ANGEL1: variants seen among roughly 807,000 people sequenced by gnomAD.
The protein encoded by ANGEL1 is angel homolog 1, also known as RNA 2',3'-cyclic phosphatase ANGEL1.
ANGEL1 carries 62 observed loss-of-function variants against 76.4 expected under a neutral mutation model. That is an observed-to-expected ratio of 0.81 (90% CI 0.66 to 1.00). ANGEL1 has a LOEUF of 1.00. Ranked by LOEUF, ANGEL1 falls within the 50% of genes least tolerant of loss-of-function variation. The pLI is 0.00. For synonymous variants in ANGEL1, 340 were observed against 331.7 expected, an observed-to-expected ratio of 1.03 and a Z score of -0.27; for missense variants, 737 against 836.7, an observed-to-expected ratio of 0.88 and a Z score of 1.47.
intron 1 of ANGEL1, 111 bp from the exon 2 acceptor site, chr14:76,809,754 C>T (rs1485014988): frequency 1.1e-6 from 1 of 872,016 alleles, no homozygotes; most frequent in African/African-American, 1.7e-5. Flanking sequence ...CCTTGCTCAT[C>T]ATTGTACCAT....
chr14:76,806,611 GTAAAGGATA>G lies in ANGEL1; in HGVS notation c.1176_1184del (p.Ile393_Tyr395del). ...GCTTGACATCGCCCCGGCGTGGGTTGTAAAGGATATGGGTATTTGCCACACACAGCGGGG... is the reference window on the plus strand; with the variant it reads ...GCTTGACATCGCCCCGGCGTGGGTTGTGGGTATTTGCCACACACAGCGGGG... On this transcript the variant is annotated inframe_deletion, in exon 5 of 10. Transcript: ENST00000251089. The G allele has an allele frequency of 1.2e-6, 2 of 1,614,202 alleles. No individual in the cohort carries two copies. Among genetic ancestry groups the G allele is most frequent in the Non-Finnish European group, 1.7e-6 (2 of 1,180,036 alleles).
rs1187825626 is a variant in ANGEL1 at position 76,812,770 on chromosome 14, G to A, written c.58C>T (p.Leu20Phe). The change falls in exon 1 of 10, where the codon CTC becomes TTC. Residue 20 changes from leucine (L) to phenylalanine (F), a missense_variant. Leu to Phe is a conservative substitution (Grantham distance 22). Coordinates refer to ENST00000251089, the MANE Select transcript of ANGEL1 (RefSeq NM_015305.4). ...LLPATRLFRALSDAFFTCRKN... is the reference protein window; with the variant it reads ...LLPATRLFRAFSDAFFTCRKN... ...CGGTACGCCTGGCCGGTACCTGAGAGGGCGCGGAAGAGGCGCGTGGCCGGC... is the reference window on the plus strand; with the variant it reads ...CGGTACGCCTGGCCGGTACCTGAGAAGGCGCGGAAGAGGCGCGTGGCCGGC... 6.6e-7 allele frequency: 1 copy of A among 1,522,286 alleles called. No individual in the cohort carries two copies. Among genetic ancestry groups the A allele is most frequent in the African/African-American group, 1.4e-5 (1 of 70,466 alleles). The allele number at this position is 1,522,286 out of a possible 1,614,324, so 94.3% of individuals were successfully genotyped here.
Position 76,809,280 on chromosome 14 carries a change from T to C in ANGEL1, c.428A>G (p.Glu143Gly). Residue 143 changes from glutamate to glycine, a missense_variant, in exon 2 of 10, where the codon GAG (glutamate) becomes GGG (glycine). Physicochemically the swap from Glu to Gly is moderately conservative, Grantham distance 98 (BLOSUM62 -2). Around this residue, in one of 2 missense-constraint regions of ANGEL1, gnomAD observed 441 missense variants for 449.5 expected, o/e 0.98. Coordinates refer to ENST00000251089, the MANE Select transcript of ANGEL1 (RefSeq NM_015305.4). ...EEPLLEVEGV[E>G]GSMWAAIPMQ... ...GGGGATAGCTGCCCACATGGAGCCC[T>C]CCACCCCCTCCACCTCCAGCAGTGG... is the stretch of plus-strand genomic sequence containing the variant. 2 of 1,613,690 alleles carry C rather than the reference T, an allele frequency of 1.2e-6. No individual in the cohort carries two copies. The highest frequency in any genetic ancestry group is 1.7e-6 in the Non-Finnish European group (2 of 1,179,744).
At chr14:76,812,383 C>G in intron 1 of ANGEL1, 2 of 1,058,382 alleles carry the variant, frequency 1.9e-6, no homozygotes, top group South Asian at 4.5e-5. Flanking sequence ...AGAATTTGGG[C>G]ACTCGCCTAG....
chr14:76,806,575 C>T lies in ANGEL1; in HGVS notation c.1221G>A (p.Met407Ile). 10 of 1,614,200 alleles carry T rather than the reference C, an allele frequency of 6.2e-6. No individual in the cohort carries two copies. Among genetic ancestry groups the T allele is most frequent in the Non-Finnish European group, 8.5e-6 (10 of 1,180,042 alleles). ...PRRGDVKLAQ[M>I]AILLAEVDKV... The stretch of plus-strand genomic sequence containing the variant: ...TGTCCACTTCCGCCAGGAGAATGGC[C>T]ATCTGGGCCAGCTTGACATCGCCCC... The change falls in exon 5 of 10, where the codon ATG becomes ATA. Residue 407 changes from methionine to isoleucine, a missense_variant. Around this residue, in one of 2 missense-constraint regions of ANGEL1, gnomAD observed 296 missense variants for 387.2 expected, o/e 0.76. Transcript: ENST00000251089.
In ANGEL1 at chr14:76,812,793, G is replaced by C. The variant is rs1397119885; in HGVS notation, c.35C>G (p.Pro12Arg). 2.0e-6 allele frequency: 3 copies of C among 1,521,312 alleles called. No individual in the cohort carries two copies. Among genetic ancestry groups the C allele is most frequent in the South Asian group, 1.2e-5 (1 of 81,886 alleles). The allele number at this position is 1,521,312 out of a possible 1,614,324, so 94.2% of individuals were successfully genotyped here. A position where few individuals can be genotyped will look rare whatever the true frequency, so the allele number is the denominator to read the frequency against. Residue 12 changes from proline (P) to arginine (R), a missense_variant, in exon 1 of 10, where the codon CCG (proline) becomes CGG (arginine). Pro to Arg is a moderately radical substitution (Grantham distance 103, BLOSUM62 -2). Coordinates refer to ENST00000251089, the MANE Select transcript of ANGEL1 (RefSeq NM_015305.4). ...IASCLCYLLL[P>R]ATRLFRALSD... ...GAGGGCGCGGAAGAGGCGCGTGGCC[G>C]GCAGCAGCAGGTAACACAAGCACGA...
intron 7 of ANGEL1, among the ~76,000 whole-genome samples, chr14:76,800,601 A>G (rs574583043): frequency 1.6e-4 from 25 of 152,330 alleles, no homozygotes; most frequent in African/African-American, 6.0e-4. Context: ...TTAGTTGAGT[A>G]TAATATTCTT....
intron 5 of ANGEL1, among the ~76,000 whole-genome samples, chr14:76,805,504 C>T (rs1240185760): frequency 6.6e-6 from 1 of 152,132 alleles, no homozygotes; most frequent in East Asian, 1.9e-4. Context: ...ACCATTGTGC[C>T]TTGCCAAAAG....
rs75486351 is a variant in ANGEL1, at chr14:76,805,613, G to C, written c.1380+803C>G. 4.4e-3 allele frequency among the ~76,000 whole-genome samples: 670 copies of C among 152,242 alleles called. 7 individuals are homozygous for C. The highest frequency in any genetic ancestry group is 0.015 in the African/African-American group (628 of 41,532). On this transcript the variant is annotated intron_variant, in intron 5 of 9. Coordinates refer to ENST00000251089, the MANE Select transcript of ANGEL1 (RefSeq NM_015305.4). ...AAGCTGATAAAACTACGAGGTGTTT[G>C]TCATCAACACTCAACAGTTAGAAGG...
chr14:76,805,207 T>A (rs1894882952), intron 5 of ANGEL1, among the ~76,000 whole-genome samples: 1 of 152,078 alleles, frequency 6.6e-6, no homozygotes. Context: ...ATATCCCCCA[T>A]CGTATAGATG....
At chr14:76,799,104 C>T (rs1485299302) in intron 7 of ANGEL1, among the ~76,000 whole-genome samples, 1 of 152,016 alleles carries the variant, frequency 6.6e-6, no homozygotes. Context: ...TTCCTTTGTA[C>T]TCAGAGGCTC....
chr14:76,787,560 A>G lies in ANGEL1; in HGVS notation c.*1668T>C, dbSNP rs1013516501. 1.3e-5 allele frequency: 2 copies of G among 152,684 alleles called. No individual in the cohort carries two copies. Among genetic ancestry groups the G allele is most frequent in the Non-Finnish European group, 2.9e-5 (2 of 68,066 alleles). 9.5% of individuals were successfully genotyped at this position (152,684 alleles called of 1,614,324 possible). ...GGCACATGCCCAGTACCCAGGAAAC[A>G]AAGTTTGAAAATATATACACATAGA... On this transcript the variant is annotated 3_prime_UTR_variant, in exon 10 of 10. Coordinates refer to ENST00000251089, the MANE Select transcript of ANGEL1 (RefSeq NM_015305.4).
intron 1 of ANGEL1, among the ~76,000 whole-genome samples, chr14:76,810,904 T>C (rs555425251): frequency 2.0e-4 from 31 of 152,348 alleles, no homozygotes; most frequent in Admixed American, 1.8e-3. Context: ...ACGAGTAACA[T>C]GCACGATGCT....
In ANGEL1 at chr14:76,807,989, G is replaced by A; in HGVS notation, c.809C>T (p.Pro270Leu). The A allele has an allele frequency of 6.2e-7, 1 of 1,614,200 alleles. No homozygotes were observed. The highest frequency in any genetic ancestry group is 8.5e-7 in the Non-Finnish European group (1 of 1,180,040). The change falls in exon 3 of 10, where the codon CCA (proline) becomes CTA (leucine). Residue 270 changes from proline to leucine, a missense_variant. Pro to Leu is a moderately conservative substitution (Grantham distance 98). This residue lies in a region of ANGEL1 where 441 missense variants were observed against 449.5 expected (regional missense o/e 0.98). Transcript: ENST00000251089. The stretch of plus-strand genomic sequence containing the variant: ...GCGATAGTTCCAATTGAGGATGTCT[G>A]GATGGCAATGTAGATAGAGCTCTGA... ...QSSELYLHCHPDILNWNYRFV... is the reference protein window; with the variant it reads ...QSSELYLHCHLDILNWNYRFV...
At chr14:76,801,956 A>G (rs1382082456) in intron 7 of ANGEL1, among the ~76,000 whole-genome samples, 1 of 152,038 alleles carries the variant, frequency 6.6e-6, no homozygotes, top group Non-Finnish European at 1.5e-5. Context: ...CAGGAGTTCG[A>G]GACCAGCCTG....
In ANGEL1 at chr14:76,799,278, CTTTTTTTTTTTTTTT is replaced by C. The variant is rs71122579; in HGVS notation, c.1618+4078_1618+4092del. The stretch of plus-strand genomic sequence containing the variant: ...CTCGTTGTACTCCATTCATGGCCTC[CTTTTTTTTTTTTTTT>C]TTTTTTTTTTTTTTTTTTGAGACAC... On this transcript the variant is annotated intron_variant, in intron 7 of 9. Coordinates refer to ENST00000251089, the MANE Select transcript of ANGEL1 (RefSeq NM_015305.4). 4.9e-3 allele frequency among the ~76,000 whole-genome samples: 255 copies of C among 52,404 alleles called. 2 individuals are homozygous for C. In the Middle Eastern group the frequency reaches 0.052, roughly 11 times the overall value. The allele number at this position is 52,404 out of a possible 152,430, so 34.4% of individuals were successfully genotyped here. A position where few individuals can be genotyped will look rare whatever the true frequency, so the allele number is the denominator to read the frequency against.
intron 7 of ANGEL1, among the ~76,000 whole-genome samples, chr14:76,802,018 A>C (rs886578221): frequency 1.3e-5 from 2 of 151,984 alleles, no homozygotes; most frequent in African/African-American, 4.8e-5. Flanking sequence ...AAGAAAAAAA[A>C]AAAATTAGCC....
chr14:76,810,034 G>A (rs1895037302), intron 1 of ANGEL1: 10 of 360,542 alleles, frequency 2.8e-5, no homozygotes, highest in South Asian at 2.1e-4. Flanking sequence ...ACCAGCAACT[G>A]ACTGTTAATC....
intron 5 of ANGEL1, chr14:76,804,375 C>A: frequency 9.7e-7 from 1 of 1,026,254 alleles, no homozygotes. Context: ...AGCACTTTAC[C>A]GTATCTACGT....
Sources: gnomAD v4.1 joint callset for allele counts (sites outside exome capture counted in the v4.1 genomes callset) on GRCh38, gnomAD v4.1.1 for gene constraint, gnomAD v4.1.1 regional missense constraint, MANE v1.5 for transcripts, NCBI Gene and HGNC (gene_info 2026-07-23, HGNC 2026-07-21) for gene names.